Variants in GNL1 observed in about 807,000 individuals in gnomAD.
GNL1 encodes the protein guanine nucleotide-binding protein-like 1.
A neutral mutation model predicts 75.2 loss-of-function variants in GNL1; 21 were observed. The ratio of observed to expected loss-of-function variants is 0.28; its 90% CI spans 0.20 to 0.40. The LOEUF (loss-of-function observed/expected upper bound fraction) is 0.40. Ranked by LOEUF, GNL1 falls within the 10% of genes least tolerant of loss-of-function variation. GNL1 has a pLI of 1.00. For missense variants in GNL1, 579 were observed against 775.0 expected (o/e 0.75, Z 3.00); for synonymous variants, 287 against 303.4 (o/e 0.95, Z 0.56).
rs572540710 is a variant in GNL1, at chr6:30,546,758, C to T, written c.1520G>A (p.Arg507Gln). 1.4e-5 allele frequency: 22 copies of T among 1,609,350 alleles called. No homozygotes were observed. The highest frequency in any genetic ancestry group is 6.7e-5 in the Admixed American group (4 of 59,946). ...DVYRAANSLL[R>Q]LAVDGRLSLC... ...GCTGAGGCGGCCGTCCACTGCCAGCCGCAAGAGACTGTTGGCTGCTCTGTA... is the reference window on the plus strand; with the variant it reads ...GCTGAGGCGGCCGTCCACTGCCAGCTGCAAGAGACTGTTGGCTGCTCTGTA... The change falls in exon 11 of 12, where the codon CGG (arginine) becomes CAG (glutamine). Residue 507 changes from arginine (R) to glutamine (Q), a missense_variant. Transcript: ENST00000376621. This position sits in a 1 kb window ranked among gnomAD's most constrained non-coding sequence, Gnocchi z 5.1.
chr6:30,549,338 A>T (rs112861491), intron 8 of GNL1, among the ~76,000 whole-genome samples: 3 of 152,092 alleles, frequency 2.0e-5, no homozygotes, highest in African/African-American at 7.2e-5. Flanking sequence ...CCCTCTATAC[A>T]TGCAAGCTTT....
Position 30,547,596 on chromosome 6 carries a change from C to T in GNL1, c.1100-66G>A. ...CTCTGTGATGGGACTTGGTGCTATA[C>T]CTATAGGTAAAAGGGGAACTAAGGC... On this transcript the variant is annotated intron_variant, in intron 8 of 11. Transcript: ENST00000376621. This position sits in a 1 kb window ranked among gnomAD's most constrained non-coding sequence, Gnocchi z 5.5. The T allele has an allele frequency of 7.5e-7, 1 of 1,335,490 alleles. No individual in the cohort carries two copies. Among genetic ancestry groups the T allele is most frequent in the Non-Finnish European group, 1.1e-6 (1 of 942,694 alleles). 82.7% of individuals were successfully genotyped at this position (1,335,490 alleles called of 1,614,324 possible). A position where few individuals can be genotyped will look rare whatever the true frequency, so the allele number is the denominator to read the frequency against.
Position 30,554,709 on chromosome 6 carries a change from C to G in GNL1, c.528+55G>C. ...AGTCCCTCTCCAGCCTGATCCCAAA[C>G]CAATTTGACCATAGGTCACTATGCC... is the stretch of plus-strand genomic sequence containing the variant. On this transcript the variant is annotated intron_variant, in intron 4 of 11. Coordinates refer to ENST00000376621, the MANE Select transcript of GNL1 (RefSeq NM_005275.5). 5.0e-6 allele frequency: 8 copies of G among 1,602,860 alleles called. No homozygotes were observed. In the South Asian group the frequency reaches 7.7e-5, roughly 15 times the overall value.
At position 30,547,098 on chromosome 6, in the gene GNL1, C is replaced by A. The variant is rs745615065; in HGVS notation, c.1441+14G>T. The stretch of plus-strand genomic sequence containing the variant: ...TGAAACCAGGTGGGGCGAAGCCAGG[C>A]ACATGGAACTCACCTTCACAGATGT... On this transcript the variant is annotated intron_variant, in intron 10 of 11. Transcript: ENST00000376621. This position sits in a 1 kb window ranked among gnomAD's most constrained non-coding sequence, Gnocchi z 5.5. The A allele has an allele frequency of 2.5e-6, 4 of 1,608,600 alleles. No homozygotes were observed. In the East Asian group the frequency reaches 6.7e-5, roughly 27 times the overall value.
chr6:30,546,705 C>T lies in GNL1; in HGVS notation c.1573G>A (p.Glu525Lys), dbSNP rs1414089877. 1 of 1,606,204 alleles carries T rather than the reference C, an allele frequency of 6.2e-7. No individual in the cohort carries two copies. The highest frequency in any genetic ancestry group is 1.3e-5 in the African/African-American group (1 of 74,668). ...SLCFHPPGYS[E>K]QKGTWESHPE... ...ATATCTGGGCTCTGACCTTTCTGTT[C>T]ACTGTAGCCTGGGGGATGAAAACAC... Residue 525 changes from glutamate (E) to lysine (K), a missense_variant, in exon 11 of 12, where the codon GAA (glutamate) becomes AAA (lysine). Transcript: ENST00000376621. This position sits in a 1 kb window ranked among gnomAD's most constrained non-coding sequence, Gnocchi z 5.1.
At chr6:30,551,058 T>C (rs969394528) in intron 8 of GNL1, among the ~76,000 whole-genome samples, 2 of 152,220 alleles carry the variant, frequency 1.3e-5, no homozygotes, top group African/African-American at 2.4e-5. Context: ...ACAGACCTTT[T>C]TGCCATTTCC....
chr6:30,555,972 G>T lies in GNL1; in HGVS notation c.73+159C>A, dbSNP rs956200936. On this transcript the variant is annotated intron_variant, in intron 1 of 11. Transcript: ENST00000376621. The surrounding 1 kb of genome is among the most constrained non-coding windows in gnomAD (Gnocchi z 4.3). Reference sequence around the variant, plus strand: ...TCTCCATCCTTCCCCACCCCTTCCAGATGTAGGGGGGGTGGGGGATCCCCT... The same window carrying T: ...TCTCCATCCTTCCCCACCCCTTCCATATGTAGGGGGGGTGGGGGATCCCCT... The T allele has an allele frequency of 3.2e-5, 30 of 938,380 alleles. No individual in the cohort carries two copies. The highest frequency in any genetic ancestry group is 4.5e-5 in the Non-Finnish European group (28 of 616,246). The allele number at this position is 938,380 out of a possible 1,614,324, so 58.1% of individuals were successfully genotyped here. A position where few individuals can be genotyped will look rare whatever the true frequency, so the allele number is the denominator to read the frequency against.
Position 30,546,972 on chromosome 6 carries a change from T to G in GNL1, c.1442-136A>C, listed in dbSNP as rs999828232. The stretch of plus-strand genomic sequence containing the variant: ...GATCTTACTGGCTATGCAACAAAAA[T>G]CTAGGGGTGAGTGGACAGCAGCTTC... On this transcript the variant is annotated intron_variant, in intron 10 of 11. Coordinates refer to ENST00000376621, the MANE Select transcript of GNL1 (RefSeq NM_005275.5). The surrounding 1 kb of genome is among the most constrained non-coding windows in gnomAD (Gnocchi z 5.1). 1.9e-5 allele frequency: 21 copies of G among 1,117,318 alleles called. No individual in the cohort carries two copies. The Admixed American group carries it at 2.2e-4, about 12-fold the overall frequency. 69.2% of individuals were successfully genotyped at this position (1,117,318 alleles called of 1,614,324 possible). A position where few individuals can be genotyped will look rare whatever the true frequency, so the allele number is the denominator to read the frequency against.
Position 30,546,424 on chromosome 6 carries a change from C to T in GNL1, c.1583-111G>A. On this transcript the variant is annotated intron_variant, in intron 11 of 11. Transcript: ENST00000376621. The surrounding 1 kb of genome is among the most constrained non-coding windows in gnomAD (Gnocchi z 5.1). The stretch of plus-strand genomic sequence containing the variant: ...GGAATAACAATAATCTTTAGAGCTG[C>T]TGGCATTCATTCATTCATCCATTCA... The T allele has an allele frequency of 1.4e-6, 1 of 732,902 alleles. No individual in the cohort carries two copies. The highest frequency in any genetic ancestry group is 2.3e-6 in the Non-Finnish European group (1 of 435,692). 45.4% of individuals were successfully genotyped at this position (732,902 alleles called of 1,614,324 possible).
In GNL1 at chr6:30,543,175, GACT is replaced by G. The variant is rs1275443658; in HGVS notation, c.*2894_*2896del. ...GTTCCTATAGCAATTCTTTACCACA[GACT>G]ACTGATTTTTTGTGTTTGTTTTGTT... On this transcript the variant is annotated 3_prime_UTR_variant, in exon 12 of 12. Coordinates refer to ENST00000376621, the MANE Select transcript of GNL1 (RefSeq NM_005275.5). 1.3e-5 allele frequency: 2 copies of G among 152,168 alleles called. No individual in the cohort carries two copies. The highest frequency in any genetic ancestry group is 2.9e-5 in the Non-Finnish European group (2 of 68,060). 9.4% of individuals were successfully genotyped at this position (152,168 alleles called of 1,614,324 possible).
At position 30,556,341 on chromosome 6, in the gene GNL1, C is replaced by T. The variant is rs1800192666; in HGVS notation, c.-138G>A. 2.1e-6 allele frequency: 2 copies of T among 940,920 alleles called. No homozygotes were observed. The highest frequency in any genetic ancestry group is 1.6e-5 in the African/African-American group (1 of 60,782). The allele number at this position is 940,920 out of a possible 1,614,324, so 58.3% of individuals were successfully genotyped here. ...AGCAGGTGACGTCAGCGGGCGGGCCCGACAGAATTACCGCCGCGGCGGCGA... is the reference window on the plus strand; with the variant it reads ...AGCAGGTGACGTCAGCGGGCGGGCCTGACAGAATTACCGCCGCGGCGGCGA... On this transcript the variant is annotated 5_prime_UTR_variant, in exon 1 of 12. Coordinates refer to ENST00000376621, the MANE Select transcript of GNL1 (RefSeq NM_005275.5). This position sits in a 1 kb window ranked among gnomAD's most constrained non-coding sequence, Gnocchi z 5.7.
chr6:30,556,327 T>C lies in GNL1; in HGVS notation c.-124A>G. ...GAGGAGGCGGGGCTAGCAGGTGACG[T>C]CAGCGGGCGGGCCCGACAGAATTAC... On this transcript the variant is annotated 5_prime_UTR_variant, in exon 1 of 12. Coordinates refer to ENST00000376621, the MANE Select transcript of GNL1 (RefSeq NM_005275.5). This position sits in a 1 kb window ranked among gnomAD's most constrained non-coding sequence, Gnocchi z 5.7. The C allele has an allele frequency of 1.8e-6, 2 of 1,115,270 alleles. No individual in the cohort carries two copies. Among genetic ancestry groups the C allele is most frequent in the Non-Finnish European group, 2.6e-6 (2 of 768,518 alleles). 69.1% of individuals were successfully genotyped at this position (1,115,270 alleles called of 1,614,324 possible). A position where few individuals can be genotyped will look rare whatever the true frequency, so the allele number is the denominator to read the frequency against.
At position 30,556,240 on chromosome 6, in the gene GNL1, C is replaced by T. The variant is rs1269025279; in HGVS notation, c.-37G>A. The T allele has an allele frequency of 2.5e-6, 4 of 1,595,828 alleles. No homozygotes were observed. The highest frequency in any genetic ancestry group is 8.5e-7 in the Non-Finnish European group (1 of 1,178,026). ...GTCACCTGGCCCGCCCTCCGCCGAGCTCCCGCCGCCTCAACTGACTGCCCC... is the reference window on the plus strand; with the variant it reads ...GTCACCTGGCCCGCCCTCCGCCGAGTTCCCGCCGCCTCAACTGACTGCCCC... On this transcript the variant is annotated 5_prime_UTR_variant, in exon 1 of 12. Transcript: ENST00000376621. The surrounding 1 kb of genome is among the most constrained non-coding windows in gnomAD (Gnocchi z 5.7).
chr6:30,555,794 G>C lies in GNL1; in HGVS notation c.74-74C>G. 6.8e-7 allele frequency: 1 copy of C among 1,470,248 alleles called. No homozygotes were observed. The allele number at this position is 1,470,248 out of a possible 1,614,324, so 91.1% of individuals were successfully genotyped here. ...ATAAGACCCTCTCCCCCATCGGCCT[G>C]ACTCCCTTTCATCCCACTCAACTTC... On this transcript the variant is annotated intron_variant, in intron 1 of 11. Transcript: ENST00000376621. This position sits in a 1 kb window ranked among gnomAD's most constrained non-coding sequence, Gnocchi z 4.3.
In GNL1 at chr6:30,548,766, G is replaced by T. The variant is rs537564097; in HGVS notation, c.1100-1236C>A. 1.3e-5 allele frequency among the ~76,000 whole-genome samples: 2 copies of T among 152,104 alleles called. No individual in the cohort carries two copies. The highest frequency in any genetic ancestry group is 2.9e-5 in the Non-Finnish European group (2 of 68,024). ...ATGCAAGTATCTAGGAGGAAGGGAGGGAAGGAGGGAGAAAAAAGTTCTCCT... is the reference window on the plus strand; with the variant it reads ...ATGCAAGTATCTAGGAGGAAGGGAGTGAAGGAGGGAGAAAAAAGTTCTCCT... On this transcript the variant is annotated intron_variant, in intron 8 of 11. Coordinates refer to ENST00000376621, the MANE Select transcript of GNL1 (RefSeq NM_005275.5). The surrounding 1 kb of genome is among the most constrained non-coding windows in gnomAD (Gnocchi z 4.2).
At position 30,548,609 on chromosome 6, in the gene GNL1, T is replaced by C. The variant is rs1344947027; in HGVS notation, c.1100-1079A>G. Among the ~76,000 whole-genome samples the C allele has an allele frequency of 6.6e-6, 1 of 152,164 alleles. No individual in the cohort carries two copies. Among genetic ancestry groups the C allele is most frequent in the South Asian group, 2.1e-4 (1 of 4,830 alleles). On this transcript the variant is annotated intron_variant, in intron 8 of 11. Transcript: ENST00000376621. The surrounding 1 kb of genome is among the most constrained non-coding windows in gnomAD (Gnocchi z 4.2). ...CAGACCTGGAACTCCCTGGTCCCAC[T>C]TCTCCCCTCTATCTTACTCACCTGG...
In GNL1 at chr6:30,552,749, C is replaced by G; in HGVS notation, c.905-88G>C. The stretch of plus-strand genomic sequence containing the variant: ...ACTGTGCCCTGCACAGATTATGTAA[C>G]TGGCACCCTCTGGAGTTGTACAGTG... On this transcript the variant is annotated intron_variant, in intron 7 of 11. Coordinates refer to ENST00000376621, the MANE Select transcript of GNL1 (RefSeq NM_005275.5). This position sits in a 1 kb window ranked among gnomAD's most constrained non-coding sequence, Gnocchi z 4.5. 1 of 1,190,336 alleles carries G rather than the reference C, an allele frequency of 8.4e-7. No homozygotes were observed. Among genetic ancestry groups the G allele is most frequent in the South Asian group, 1.4e-5 (1 of 69,696 alleles). The allele number at this position is 1,190,336 out of a possible 1,614,324, so 73.7% of individuals were successfully genotyped here.
Position 30,547,610 on chromosome 6 carries a change from G to A in GNL1, c.1100-80C>T. The A allele has an allele frequency of 8.6e-7, 1 of 1,169,176 alleles. No homozygotes were observed. Among genetic ancestry groups the A allele is most frequent in the Non-Finnish European group, 1.3e-6 (1 of 799,346 alleles). 72.4% of individuals were successfully genotyped at this position (1,169,176 alleles called of 1,614,324 possible). A position where few individuals can be genotyped will look rare whatever the true frequency, so the allele number is the denominator to read the frequency against. ...TTGGTGCTATACCTATAGGTAAAAG[G>A]GGAACTAAGGCTCAGAAATTAAGGA... On this transcript the variant is annotated intron_variant, in intron 8 of 11. Transcript: ENST00000376621. The surrounding 1 kb of genome is among the most constrained non-coding windows in gnomAD (Gnocchi z 5.5).
rs1017370821 is a variant in GNL1 at position 30,541,414 on chromosome 6, T to G, written c.*4658A>C. The G allele has an allele frequency of 1.3e-5, 2 of 152,224 alleles. No individual in the cohort carries two copies. The highest frequency in any genetic ancestry group is 2.9e-5 in the Non-Finnish European group (2 of 68,044). 9.4% of individuals were successfully genotyped at this position (152,224 alleles called of 1,614,324 possible). ...TCATTCAAGTTTGGCTTTAATATTT[T>G]ATTAAAAATTTTTGTATTTGTAAAT... is the stretch of plus-strand genomic sequence containing the variant. On this transcript the variant is annotated 3_prime_UTR_variant, in exon 12 of 12. Transcript: ENST00000376621.
Sources: gnomAD v4.1 joint callset for allele counts (sites outside exome capture counted in the v4.1 genomes callset) on GRCh38, gnomAD v4.1.1 for gene constraint, Gnocchi (gnomAD v3.1) non-coding constraint, MANE v1.5 for transcripts, NCBI Gene and HGNC (gene_info 2026-07-23, HGNC 2026-07-21) for gene names.